Variants in CHD1 observed in about 807,000 individuals in gnomAD.
The protein encoded by CHD1 is chromodomain helicase DNA binding protein 1.
A neutral mutation model predicts 224.2 loss-of-function variants in CHD1; 36 were observed. That is an observed-to-expected ratio of 0.16 (90% CI 0.12 to 0.21). The LOEUF (loss-of-function observed/expected upper bound fraction) is 0.21, where lower values mean the gene tolerates loss of function less well. Ranked by LOEUF, CHD1 falls within the 10% of genes least tolerant of loss-of-function variation. The pLI is 1.00. For synonymous variants in CHD1, 668 were observed against 658.3 expected (o/e 1.01, Z -0.23); for missense variants, 1,378 against 1,994.8 (o/e 0.69, Z 5.89).
intron 13 of CHD1, among the ~76,000 whole-genome samples, chr5:98,894,026 T>C (rs981605105): frequency 1.3e-5 from 2 of 152,206 alleles, no homozygotes; most frequent in African/African-American, 4.8e-5. Flanking sequence ...TTATGAACTG[T>C]AGAACTCTCT....
intron 16 of CHD1, 102 bp from the exon 17 acceptor site, chr5:98,888,342 T>C (rs2112446686): frequency 2.3e-6 from 2 of 873,438 alleles, no homozygotes; most frequent in African/African-American, 1.7e-5. Flanking sequence ...AGATTTTAAA[T>C]TTTCATGTTA....
In CHD1 at chr5:98,901,080, G is replaced by A. The variant is rs1419830270; in HGVS notation, c.590C>T (p.Ser197Phe). 5 of 1,583,762 alleles carry A rather than the reference G, an allele frequency of 3.2e-6. No individual in the cohort carries two copies. The highest frequency in any genetic ancestry group is 1.9e-5 in the Admixed American group (1 of 52,994). The change falls in exon 7 of 36, where the codon TCT (serine) becomes TTT (phenylalanine). Residue 197 changes from serine (S) to phenylalanine (F), a missense_variant and splice_region_variant. Physicochemically the swap from Ser to Phe is radical, Grantham distance 155. This residue lies in a region of CHD1 where 306 missense variants were observed against 298.1 expected (regional missense o/e 1.03). Coordinates refer to ENST00000614616, the MANE Select transcript of CHD1 (RefSeq NM_001270.4). ...KVKSRKPQNRSKSKNGKKILG... is the reference protein window; with the variant it reads ...KVKSRKPQNRFKSKNGKKILG... ...AATCTTCTTTCCATTTTTTGACTTA[G>A]ATCTAGGAAAGTGCAAAGAGAAAAA... is the stretch of plus-strand genomic sequence containing the variant.
At chr5:98,876,668 CA>C in intron 23 of CHD1, 110 bp from the exon 24 acceptor site, 1 of 889,860 alleles carries the variant, frequency 1.1e-6, no homozygotes, top group East Asian at 2.5e-5. Flanking sequence ...TTAAATGTAT[CA>C]AAAACATTCC....
chr5:98,928,554 G>C lies in CHD1; in HGVS notation c.-164C>G, dbSNP rs1323388366. 1.3e-5 allele frequency: 2 copies of C among 151,938 alleles called. No individual in the cohort carries two copies. Among genetic ancestry groups the C allele is most frequent in the South Asian group, 2.1e-4 (1 of 4,832 alleles). The allele number at this position is 151,938 out of a possible 1,614,324, so 9.4% of individuals were successfully genotyped here. ...CCTTTCTTACCGGCGGGCTTGGCGG[G>C]GCGGAGGGAGCCGACTCGGGTGGAC... On this transcript the variant is annotated 5_prime_UTR_variant, in exon 1 of 36. Transcript: ENST00000614616.
intron 22 of CHD1, among the ~76,000 whole-genome samples, chr5:98,880,840 T>C (rs906573251): frequency 1.3e-5 from 2 of 152,212 alleles, no homozygotes; most frequent in African/African-American, 4.8e-5. Context: ...AACACTATTC[T>C]AGTTGCTAAT....
At chr5:98,922,747 G>C (rs981625573) in intron 2 of CHD1, among the ~76,000 whole-genome samples, 1 of 152,162 alleles carries the variant, frequency 6.6e-6, no homozygotes, top group Non-Finnish European at 1.5e-5. Context: ...CCAGTGCTTT[G>C]GGAGGCCAAG....
At chr5:98,885,744 T>C (rs1750608954) in intron 17 of CHD1, 95 bp from the exon 18 acceptor site, 12 of 745,980 alleles carry the variant, frequency 1.6e-5, no homozygotes, top group Middle Eastern at 3.2e-4. Flanking sequence ...ATGTGAAGCA[T>C]GTCCTTTGCT....
intron 17 of CHD1, chr5:98,886,092 G>T: frequency 6.5e-6 from 1 of 154,598 alleles, no homozygotes; most frequent in Non-Finnish European, 1.4e-5. Flanking sequence ...AGTCCAGCGT[G>T]GTTACTAGAA....
intron 2 of CHD1, among the ~76,000 whole-genome samples, chr5:98,914,224 G>A (rs983384386): frequency 6.6e-6 from 1 of 152,166 alleles, no homozygotes; most frequent in Non-Finnish European, 1.5e-5. Flanking sequence ...CTCCCTGCTA[G>A]CTGAAAAGGG....
intron 19 of CHD1, 58 bp downstream of exon 19, chr5:98,883,030 C>CA (rs367578795): frequency 0.076 from 62,253 of 814,080 alleles, no homozygotes; most frequent in Middle Eastern, 0.086. Context: ...AAATCACTTC[C>CA]AAAAAAAAAA....
Position 98,883,841 on chromosome 5 carries a change from ATATATATATATATATATATATTTTT to A in CHD1, c.2569-629_2569-605del, listed in dbSNP as rs1750389157. The A allele has an allele frequency of 1.4e-4, 7 of 48,604 alleles. No individual in the cohort carries two copies. The South Asian group carries it at 4.7e-3, about 32-fold the overall frequency. The allele number at this position is 48,604 out of a possible 1,614,324, so 3.0% of individuals were successfully genotyped here. A position where few individuals can be genotyped will look rare whatever the true frequency, so the allele number is the denominator to read the frequency against. On this transcript the variant is annotated intron_variant, in intron 18 of 35. Transcript: ENST00000614616. ...TTGGAGACTAAATATATATATATAT[ATATATATATATATATATATATTTTT>A]TTTTTTTTTTTTTTTTTTTGACAGA...
chr5:98,877,968 A>T (rs1341453013), intron 23 of CHD1, among the ~76,000 whole-genome samples: 1 of 152,236 alleles, frequency 6.6e-6, no homozygotes, highest in South Asian at 2.1e-4. Flanking sequence ...TCTAAATGTA[A>T]GGATATACAG....
intron 31 of CHD1, among the ~76,000 whole-genome samples, chr5:98,863,807 T>C (rs541983431): frequency 3.3e-4 from 51 of 152,280 alleles, no homozygotes; most frequent in African/African-American, 1.0e-3. Flanking sequence ...TTAAAATCAG[T>C]CTTTGAGTAA....
intron 22 of CHD1, among the ~76,000 whole-genome samples, chr5:98,880,683 T>A (rs1750109938): frequency 6.6e-6 from 1 of 152,210 alleles, no homozygotes; most frequent in African/African-American, 2.4e-5. Flanking sequence ...TTGACTGATT[T>A]ACTTGAGTTT....
At chr5:98,883,281 T>C (rs758339913) in intron 18 of CHD1, 44 bp from the exon 19 acceptor site, 1 of 1,410,342 alleles carries the variant, frequency 7.1e-7, no homozygotes, top group African/African-American at 1.4e-5. Context: ...TTTCAATTGA[T>C]TTTCTGAACG....
chr5:98,867,141 G>A (rs1748935696), intron 31 of CHD1, among the ~76,000 whole-genome samples: 1 of 151,896 alleles, frequency 6.6e-6, no homozygotes, highest in African/African-American at 2.4e-5. Flanking sequence ...ATTATATTCA[G>A]TAAATAAATT....
In CHD1 at chr5:98,928,639, C is replaced by T. The variant is rs1753666760; in HGVS notation, c.-249G>A. ...GCCCAGTCCTAGGGCTCCGGCGTCT[C>T]GGGGTAAGCAAGAGTCCGTGCGGGG... is the stretch of plus-strand genomic sequence containing the variant. On this transcript the variant is annotated 5_prime_UTR_variant, in exon 1 of 36. Transcript: ENST00000614616. 1 of 152,254 alleles carries T rather than the reference C, an allele frequency of 6.6e-6. No homozygotes were observed. The highest frequency in any genetic ancestry group is 6.5e-5 in the Admixed American group (1 of 15,280). The allele number at this position is 152,254 out of a possible 1,614,324, so 9.4% of individuals were successfully genotyped here.
chr5:98,869,635 C>CAT, intron 30 of CHD1, 119 bp downstream of exon 30: 1 of 1,065,660 alleles, frequency 9.4e-7, no homozygotes, highest in South Asian at 1.4e-5. Context: ...CACACACACA[C>CAT]ACACACACAC....
chr5:98,903,076 G>A (rs1751826201), intron 4 of CHD1, 112 bp from the exon 5 acceptor site: 3 of 533,958 alleles, frequency 5.6e-6, no homozygotes, highest in Non-Finnish European at 9.7e-6. Context: ...CAGCACTTGT[G>A]AAGCCTTTTT....
Sources: allele counts gnomAD v4.1 joint callset (sites outside exome capture counted in the v4.1 genomes callset), GRCh38; gene constraint gnomAD v4.1.1; regional missense constraint gnomAD v4.1.1; transcripts MANE v1.5; gene names NCBI Gene and HGNC (gene_info 2026-07-23, HGNC 2026-07-21).